The following PTGER3 variants were observed in gnomAD, a reference collection of about 807,000 sequenced individuals.
The protein encoded by PTGER3 is prostaglandin E2 receptor EP3 subtype.
In PTGER3, 22 loss-of-function variants were observed where a neutral mutation model predicts 34.7. The observed-to-expected ratio is 0.63, with a 90% CI of 0.45 to 0.91. PTGER3 has a LOEUF of 0.91. Among genes scored for constraint, PTGER3 ranks in the 40% least tolerant of loss-of-function variants. The probability of loss-of-function intolerance (pLI) is 0.00; values close to 1 mark genes in which losing one functional copy is unlikely to be tolerated. For missense variants in PTGER3, 468 were observed against 519.4 expected (o/e 0.90, Z 0.96); for synonymous variants, 241 against 230.1 (o/e 1.05, Z -0.43).
chr1:70,876,585 TG>T (rs1646277497), intron 4 of PTGER3, among the ~76,000 whole-genome samples: 1 of 152,076 alleles, frequency 6.6e-6, no homozygotes, highest in African/African-American at 2.4e-5. Context: ...TTTCATGTTG[TG>T]GGTTTTACAT....
rs569469094 is a variant in PTGER3, at chr1:71,033,465, T to C, written c.897+13216A>G. On this transcript the variant is annotated intron_variant, in intron 1 of 3. Transcript: ENST00000306666. Reference sequence around the variant, plus strand: ...CACTGCTTCATTTTCTTAATGGTATTTATCACAATCACTAGACTTCTAGTT... The same window carrying C: ...CACTGCTTCATTTTCTTAATGGTATCTATCACAATCACTAGACTTCTAGTT... Among the ~76,000 whole-genome samples the C allele has an allele frequency of 2.6e-5, 4 of 152,320 alleles. No individual in the cohort carries two copies. In the East Asian group the frequency reaches 7.7e-4, roughly 29 times the overall value.
At chr1:70,913,154 C>T (rs1362815622) in intron 4 of PTGER3, among the ~76,000 whole-genome samples, 1 of 151,910 alleles carries the variant, frequency 6.6e-6, no homozygotes, top group Non-Finnish European at 1.5e-5. Flanking sequence ...TTTAGGCCTC[C>T]TTTAAATGTT....
Position 70,998,000 on chromosome 1 carries a change from C to G in PTGER3, c.1077+14305G>C, listed in dbSNP as rs550497428. ...GGAACTCATTATTGCTTAAGGTCAG[C>G]CCTGCCACCTTAGGGCACATTGGTT... On this transcript the variant is annotated intron_variant, in intron 2 of 3. Transcript: ENST00000306666. 3.9e-5 allele frequency among the ~76,000 whole-genome samples: 6 copies of G among 152,302 alleles called. No individual in the cohort carries two copies. In the East Asian group the frequency reaches 1.2e-3, roughly 29 times the overall value.
intron 4 of PTGER3, among the ~76,000 whole-genome samples, chr1:70,892,810 C>T (rs551132224): frequency 2.2e-5 from 3 of 136,384 alleles, no homozygotes; most frequent in African/African-American, 8.3e-5. Context: ...CACTGCACTC[C>T]AGCCTGGGTG....
At chr1:70,911,237 A>T (rs1379703761) in intron 4 of PTGER3, among the ~76,000 whole-genome samples, 1 of 151,096 alleles carries the variant, frequency 6.6e-6, no homozygotes, top group East Asian at 1.9e-4. Flanking sequence ...AAGCAAACAT[A>T]CTAGATTGGA....
intron 1 of PTGER3, among the ~76,000 whole-genome samples, chr1:71,031,161 C>T (rs1341386783): frequency 6.6e-6 from 1 of 151,720 alleles, no homozygotes; most frequent in Non-Finnish European, 1.5e-5. Context: ...AAATAGAAGT[C>T]CTTTTATTTT....
Position 70,865,877 on chromosome 1 carries a change from A to T in PTGER3, c.*24-13018T>A, listed in dbSNP as rs779528733. The T allele has an allele frequency of 6.4e-6, 8 of 1,244,854 alleles. No individual in the cohort carries two copies. In the Admixed American group the frequency reaches 1.2e-4, roughly 19 times the overall value. 77.1% of individuals were successfully genotyped at this position (1,244,854 alleles called of 1,614,324 possible). On this transcript the variant is annotated intron_variant, in intron 4 of 4. Transcript: ENST00000370931. ...ATGACATGACTAGAGAGGCAGGAAG[A>T]CACTCATCTAGAGCCACATCACAGA...
At chr1:70,983,155 C>T (rs1654554286) in intron 2 of PTGER3, among the ~76,000 whole-genome samples, 1 of 151,812 alleles carries the variant, frequency 6.6e-6, no homozygotes, top group Non-Finnish European at 1.5e-5. Context: ...AAATGCAAAA[C>T]CATAGCCCAG....
At chr1:71,035,628 C>G (rs1273759440) in intron 1 of PTGER3, among the ~76,000 whole-genome samples, 1 of 152,238 alleles carries the variant, frequency 6.6e-6, no homozygotes, top group Non-Finnish European at 1.5e-5. Context: ...AAACATGAAG[C>G]AGATCAAATC....
At chr1:70,902,079 T>G (rs965023944) in intron 4 of PTGER3, among the ~76,000 whole-genome samples, 12 of 151,944 alleles carry the variant, frequency 7.9e-5, no homozygotes, top group Admixed American at 2.6e-4. Context: ...AAAAAATATA[T>G]TTTCACAGAA....
chr1:71,016,970 G>A (rs1325198359), intron 1 of PTGER3, among the ~76,000 whole-genome samples: 1 of 151,872 alleles, frequency 6.6e-6, no homozygotes, highest in East Asian at 1.9e-4. Flanking sequence ...TCTGATGCTG[G>A]CTGGCTTATC....
intron 2 of PTGER3, chr1:71,008,282 T>G: frequency 1.1e-6 from 1 of 901,140 alleles, no homozygotes; most frequent in South Asian, 5.1e-5. Context: ...TTATTCTCAG[T>G]AAAGAAAATG....
chr1:71,033,072 A>G (rs1659544356), intron 1 of PTGER3, among the ~76,000 whole-genome samples: 1 of 152,144 alleles, frequency 6.6e-6, no homozygotes, highest in Non-Finnish European at 1.5e-5. Context: ...TATTAGATCA[A>G]ATTTACCTCC....
At chr1:70,900,161 T>A (rs1176053401) in intron 4 of PTGER3, among the ~76,000 whole-genome samples, 2 of 152,190 alleles carry the variant, frequency 1.3e-5, no homozygotes, top group African/African-American at 4.8e-5. Context: ...TACTTTTATC[T>A]TTATTTTTGT....
intron 2 of PTGER3, among the ~76,000 whole-genome samples, chr1:70,954,467 A>G (rs1209081495): frequency 6.6e-6 from 1 of 152,196 alleles, no homozygotes; most frequent in East Asian, 1.9e-4. Context: ...ATTACTCTTA[A>G]AAATGTTCAG....
At chr1:70,926,700 A>G (rs1318874160) in intron 4 of PTGER3, among the ~76,000 whole-genome samples, 1,764 of 151,948 alleles carry the variant, frequency 0.012, 19 homozygotes, top group African/African-American at 0.038. Context: ...TGTCCTGGCC[A>G]GAACTTCCAA....
chr1:70,856,371 T>C (rs1381619496), intron 4 of PTGER3, among the ~76,000 whole-genome samples: 2 of 141,268 alleles, frequency 1.4e-5, no homozygotes, highest in African/African-American at 5.3e-5. Flanking sequence ...GCCGCTGAGG[T>C]GGAAGTTGCA....
intron 4 of PTGER3, among the ~76,000 whole-genome samples, chr1:70,866,555 A>C (rs890101546): frequency 6.6e-6 from 1 of 152,196 alleles, no homozygotes; most frequent in Non-Finnish European, 1.5e-5. Flanking sequence ...TGTGTCTTAC[A>C]TCAGGATGAC....
intron 4 of PTGER3, among the ~76,000 whole-genome samples, chr1:70,866,537 C>T (rs12135331): frequency 0.15 from 22,701 of 152,150 alleles, 2,027 homozygotes; most frequent in African/African-American, 0.25. Context: ...CAATGATATG[C>T]TCATCTCTGT....
Sources: allele counts gnomAD v4.1 joint callset (sites outside exome capture counted in the v4.1 genomes callset), GRCh38; gene constraint gnomAD v4.1.1; transcripts MANE v1.5; gene names NCBI Gene and HGNC (gene_info 2026-07-23, HGNC 2026-07-21).